The following ZFR2 variants were observed in gnomAD, a reference collection of about 807,000 sequenced individuals.
The protein encoded by ZFR2 is zinc finger RNA binding protein 2.
ZFR2 carries 104 observed loss-of-function variants against 105.7 expected under a neutral mutation model. The observed-to-expected ratio is 0.98, with a 90% CI of 0.84 to 1.16. The LOEUF is 1.16. ZFR2 is among the 50% of genes most tolerant of loss of function. The pLI, the probability that ZFR2 is intolerant of heterozygous loss-of-function variation, is 0.00. For synonymous variants in ZFR2, 634 were observed against 597.7 expected, an observed-to-expected ratio of 1.06 and a Z score of -0.89; for missense variants, 1,425 against 1,355.5, an observed-to-expected ratio of 1.05 and a Z score of -0.80.
At chr19:3,809,150 C>G (rs906392448) in intron 16 of ZFR2, among the ~76,000 whole-genome samples, 167 bp from the exon 17 acceptor site, 1 of 152,202 alleles carries the variant, frequency 6.6e-6, no homozygotes, top group African/African-American at 2.4e-5. Context: ...AGGGCTCTGC[C>G]ACCTCCTGGC....
chr19:3,855,545 T>A lies in ZFR2; in HGVS notation c.53+13420A>T, dbSNP rs899282480. 8.6e-6 allele frequency: 8 copies of A among 935,234 alleles called. No homozygotes were observed. In the African/African-American group the frequency reaches 1.4e-4, roughly 16 times the overall value. The allele number at this position is 935,234 out of a possible 1,614,324, so 57.9% of individuals were successfully genotyped here. A position where few individuals can be genotyped will look rare whatever the true frequency, so the allele number is the denominator to read the frequency against. On this transcript the variant is annotated intron_variant, in intron 1 of 18. Coordinates refer to ENST00000262961, the MANE Select transcript of ZFR2 (RefSeq NM_015174.2). ...GGGGAATAACCAGACCAAAGTCCCG[T>A]CCTCCAGGAGGGTGCTGCGCGATAG...
intron 17 of ZFR2, among the ~76,000 whole-genome samples, chr19:3,807,903 A>G (rs900194475): frequency 8.4e-6 from 1 of 119,444 alleles, no homozygotes; most frequent in African/African-American, 3.3e-5. Context: ...GTGTGCACTC[A>G]TGTATGTGTA....
At position 3,823,279 on chromosome 19, in the gene ZFR2, A is replaced by G; in HGVS notation, c.1338T>C (p.Asp446=). 6.2e-7 allele frequency: 1 copy of G among 1,614,018 alleles called. No homozygotes were observed. Among genetic ancestry groups the G allele is most frequent in the East Asian group, 2.2e-5 (1 of 44,870 alleles). ...CATATTCCGGGCCCACCGGCTGCGC[A>G]TCAGAGCAGCCCGCGGGAGCTTCCT... The part of the protein sequence containing the change: ...GSKEAPAGCS[D]AQPVGPEYVE... Residue 446 remains aspartate (D), a synonymous_variant, in exon 8 of 19, where the codon GAT becomes GAC. Transcript: ENST00000262961. This position sits in a 1 kb window ranked among gnomAD's most constrained non-coding sequence, Gnocchi z 5.4.
chr19:3,832,862 C>T (rs1009513811), intron 3 of ZFR2, among the ~76,000 whole-genome samples: 1 of 151,548 alleles, frequency 6.6e-6, no homozygotes, highest in Non-Finnish European at 1.5e-5. Context: ...TGGTCTCGAA[C>T]TCCTAGGTTC....
At chr19:3,864,193 C>G (rs2038404906) in intron 1 of ZFR2, among the ~76,000 whole-genome samples, 5 of 151,998 alleles carry the variant, frequency 3.3e-5, no homozygotes, top group Admixed American at 3.3e-4. Context: ...CCAGCCTGGG[C>G]AAAATAGCAA....
At chr19:3,826,838 G>C (rs2037956171) in intron 6 of ZFR2, among the ~76,000 whole-genome samples, 1 of 152,244 alleles carries the variant, frequency 6.6e-6, no homozygotes, top group African/African-American at 2.4e-5. Flanking sequence ...TCTCATCACA[G>C]GGCAAGCCCT....
Position 3,805,778 on chromosome 19 carries a change from T to G in ZFR2, c.*171A>C. On this transcript the variant is annotated 3_prime_UTR_variant, in exon 19 of 19. Transcript: ENST00000262961. ...TCCCAAAGTGCTGGGATTAAAGGCA[T>G]GAGCCACAGTGCCCGGTCTGAAGCA... 1.0e-5 allele frequency: 8 copies of G among 763,402 alleles called. No individual in the cohort carries two copies. Among genetic ancestry groups the G allele is most frequent in the African/African-American group, 1.8e-5 (1 of 54,294 alleles). The allele number at this position is 763,402 out of a possible 1,614,324, so 47.3% of individuals were successfully genotyped here.
chr19:3,807,838 CAT>C (rs1188699172), intron 17 of ZFR2, among the ~76,000 whole-genome samples: 4 of 148,344 alleles, frequency 2.7e-5, no homozygotes, highest in South Asian at 2.2e-4. Flanking sequence ...GCACTCATTC[CAT>C]GTGTGTGCCC....
chr19:3,864,285 G>A (rs1357885213), intron 1 of ZFR2, among the ~76,000 whole-genome samples: 1 of 152,046 alleles, frequency 6.6e-6, no homozygotes, highest in Non-Finnish European at 1.5e-5. Context: ...AGCTGAGGGG[G>A]GAAGACTGCC....
At chr19:3,828,077 C>T (rs2145155107) in intron 5 of ZFR2, among the ~76,000 whole-genome samples, 1 of 152,200 alleles carries the variant, frequency 6.6e-6, no homozygotes, top group South Asian at 2.1e-4. Flanking sequence ...GCTTTGGCCT[C>T]CCAAAGTGCT....
intron 12 of ZFR2, 81 bp from the exon 13 acceptor site, chr19:3,816,926 G>C: frequency 2.3e-6 from 3 of 1,317,428 alleles, no homozygotes; most frequent in South Asian, 1.4e-5. Flanking sequence ...GAGCTACGGG[G>C]ACCCTGCAAG....
chr19:3,834,623 C>T lies in ZFR2; in HGVS notation c.264+150G>A, dbSNP rs1004766372. The T allele has an allele frequency of 3.1e-5, 26 of 850,864 alleles. No homozygotes were observed. Among genetic ancestry groups the T allele is most frequent in the South Asian group, 3.0e-4 (19 of 63,054 alleles). 52.7% of individuals were successfully genotyped at this position (850,864 alleles called of 1,614,324 possible). A position where few individuals can be genotyped will look rare whatever the true frequency, so the allele number is the denominator to read the frequency against. ...ACTCTGCCCTGATTTCTCCCCACCA[C>T]GGGTACGCAATGCCAGCAGAAGGGT... is the stretch of plus-strand genomic sequence containing the variant. On this transcript the variant is annotated intron_variant, in intron 2 of 18. Transcript: ENST00000262961. The surrounding 1 kb of genome is among the most constrained non-coding windows in gnomAD (Gnocchi z 5.3).
chr19:3,810,878 G>T (rs2037756272), intron 15 of ZFR2, 33 bp from the exon 16 acceptor site: 1 of 1,547,184 alleles, frequency 6.5e-7, no homozygotes, highest in South Asian at 1.2e-5. Flanking sequence ...TAGCTTTCAG[G>T]GGCTCACGTG....
chr19:3,807,349 C>T (rs1287233867), intron 17 of ZFR2, 80 bp from the exon 18 acceptor site: 20 of 1,093,468 alleles, frequency 1.8e-5, no homozygotes, highest in African/African-American at 9.3e-5. Context: ...CCCTCGACAC[C>T]GTGGGGCCTC....
At position 3,820,224 on chromosome 19, in the gene ZFR2, C is replaced by T. The variant is rs1448260674; in HGVS notation, c.1698G>A (p.Leu566=). 3 of 1,551,924 alleles carry T rather than the reference C, an allele frequency of 1.9e-6. No individual in the cohort carries two copies. Among genetic ancestry groups the T allele is most frequent in the Non-Finnish European group, 2.6e-6 (3 of 1,147,768 alleles). The change falls in exon 11 of 19, where the codon CTG becomes CTA. Residue 566 remains leucine, a synonymous_variant. Coordinates refer to ENST00000262961, the MANE Select transcript of ZFR2 (RefSeq NM_015174.2). The part of the protein sequence containing the change: ...PHAPPDWAQP[L]LMGRPESPAS... ...CGGGTGACTCCGGCCTGCCCATGAG[C>T]AGAGGCTGGGCCCAGTCGGGCGGCG...
rs2073556210 is a variant in ZFR2 at position 3,834,503 on chromosome 19, G to T, written c.264+270C>A. 6.6e-6 allele frequency among the ~76,000 whole-genome samples: 1 copy of T among 152,122 alleles called. No homozygotes were observed. The highest frequency in any genetic ancestry group is 2.1e-4 in the South Asian group (1 of 4,820). On this transcript the variant is annotated intron_variant, in intron 2 of 18. Transcript: ENST00000262961. This position sits in a 1 kb window ranked among gnomAD's most constrained non-coding sequence, Gnocchi z 5.3. ...TCCTTCATAGTCACTGCTGAAGCTGGGACAAAGCTCTGTGCGCCGTCACTG... is the reference window on the plus strand; with the variant it reads ...TCCTTCATAGTCACTGCTGAAGCTGTGACAAAGCTCTGTGCGCCGTCACTG...
At chr19:3,841,827 C>T (rs1459238478) in intron 1 of ZFR2, among the ~76,000 whole-genome samples, 2 of 151,690 alleles carry the variant, frequency 1.3e-5, no homozygotes, top group African/African-American at 2.4e-5. Context: ...CACTCTGTCG[C>T]CCAGGCTGGA....
At position 3,806,030 on chromosome 19, in the gene ZFR2, C is replaced by G; in HGVS notation, c.2739G>C (p.Lys913Asn). The G allele has an allele frequency of 1.9e-6, 3 of 1,543,146 alleles. No individual in the cohort carries two copies. Among genetic ancestry groups the G allele is most frequent in the Non-Finnish European group, 2.6e-6 (3 of 1,145,370 alleles). Reference protein sequence around the residue: ...PRHRLGARFRKRQRGPGEGEE... With the variant: ...PRHRLGARFRNRQRGPGEGEE... ...CTCCCTCGCCAGGTCCCCGTTGCCT[C>G]TTCCGGAAGCGGGCCCCCAGCCGGT... Residue 913 changes from lysine to asparagine, a missense_variant, in exon 19 of 19, where the codon AAG becomes AAC. Lys to Asn is a moderately conservative substitution (Grantham distance 94). Coordinates refer to ENST00000262961, the MANE Select transcript of ZFR2 (RefSeq NM_015174.2).
chr19:3,851,018 A>C (rs184256388), intron 1 of ZFR2, among the ~76,000 whole-genome samples: 216 of 151,408 alleles, frequency 1.4e-3, no homozygotes, highest in African/African-American at 4.7e-3. Flanking sequence ...CCCTCACCAG[A>C]AACCACCCCC....
Sources: allele counts gnomAD v4.1 joint callset (sites outside exome capture counted in the v4.1 genomes callset), GRCh38; gene constraint gnomAD v4.1.1; non-coding constraint Gnocchi (gnomAD v3.1); transcripts MANE v1.5; gene names NCBI Gene and HGNC (gene_info 2026-07-23, HGNC 2026-07-21).